Variants in CDH13 observed in about 807,000 individuals in gnomAD.
CDH13 encodes the protein cadherin-13.
A neutral mutation model predicts 63.8 loss-of-function variants in CDH13; 24 were observed. The observed-to-expected ratio is 0.38, with a 90% CI of 0.27 to 0.53. The LOEUF is 0.53. Among genes scored for constraint, CDH13 ranks in the 20% least tolerant of loss-of-function variants. The pLI is 0.85. For missense variants in CDH13, 1,049 were observed against 903.1 expected (o/e 1.16, Z -2.07); for synonymous variants, 503 against 355.3 (o/e 1.42, Z -4.67).
At chr16:83,542,709 C>T (rs1326898700) in intron 7 of CDH13, among the ~76,000 whole-genome samples, 2 of 152,182 alleles carry the variant, frequency 1.3e-5, no homozygotes, top group Non-Finnish European at 2.9e-5. Flanking sequence ...CTTGCAGAAG[C>T]ATCCACCACT....
intron 1 of CDH13, among the ~76,000 whole-genome samples, chr16:82,797,868 T>A (rs1162027292): frequency 6.6e-6 from 1 of 151,932 alleles, no homozygotes; most frequent in Non-Finnish European, 1.5e-5. Context: ...GATCTGATGC[T>A]TAATAAGACA....
At chr16:83,096,139 T>C (rs1331290756) in intron 3 of CDH13, among the ~76,000 whole-genome samples, 2 of 152,166 alleles carry the variant, frequency 1.3e-5, no homozygotes, top group African/African-American at 4.8e-5. Flanking sequence ...CAGGTACAAC[T>C]CTGTAAGGGC....
At chr16:83,077,031 A>G (rs1273795533) in intron 3 of CDH13, among the ~76,000 whole-genome samples, 3 of 151,864 alleles carry the variant, frequency 2.0e-5, no homozygotes, top group Non-Finnish European at 4.4e-5. Context: ...GAGGCCACCA[A>G]TATTCTGATT....
chr16:82,909,878 A>T (rs919585645), intron 2 of CDH13, among the ~76,000 whole-genome samples: 2 of 152,216 alleles, frequency 1.3e-5, no homozygotes, highest in African/African-American at 4.8e-5. Context: ...ATTTTTGCCC[A>T]TACACATGTG....
intron 5 of CDH13, among the ~76,000 whole-genome samples, chr16:83,327,877 A>C (rs1377146152): frequency 1.3e-5 from 2 of 152,252 alleles, no homozygotes; most frequent in Non-Finnish European, 2.9e-5. Context: ...TTACGCCTGT[A>C]ATCCCAGCAC....
At chr16:83,715,530 G>T (rs1908761267) in intron 10 of CDH13, among the ~76,000 whole-genome samples, 1 of 152,208 alleles carries the variant, frequency 6.6e-6, no homozygotes, top group South Asian at 2.1e-4. Flanking sequence ...TTAGTAAAAT[G>T]CATTTTCCAA....
chr16:83,157,121 G>A (rs979231839), intron 4 of CDH13, among the ~76,000 whole-genome samples: 1 of 152,092 alleles, frequency 6.6e-6, no homozygotes. Context: ...ATCTGATCCT[G>A]GTTCAGTAGA....
intron 1 of CDH13, among the ~76,000 whole-genome samples, chr16:82,792,233 C>T (rs548950861): frequency 4.6e-5 from 7 of 152,202 alleles, no homozygotes; most frequent in Admixed American, 2.0e-4. Context: ...GGATTCCTGC[C>T]GCGTGGGCTG....
intron 1 of CDH13, among the ~76,000 whole-genome samples, chr16:82,839,422 A>G (rs983809106): frequency 1.3e-5 from 2 of 152,092 alleles, no homozygotes; most frequent in South Asian, 2.1e-4. Context: ...TGTGCCATCA[A>G]TTTCCTGCTG....
intron 5 of CDH13, among the ~76,000 whole-genome samples, chr16:83,278,044 C>T (rs143839294): frequency 6.6e-6 from 1 of 152,290 alleles, no homozygotes; most frequent in African/African-American, 2.4e-5. Context: ...AGTTCCTATT[C>T]TCCAAGAAGG....
At chr16:83,304,854 T>A (rs1165227859) in intron 5 of CDH13, among the ~76,000 whole-genome samples, 1 of 152,186 alleles carries the variant, frequency 6.6e-6, no homozygotes, top group African/African-American at 2.4e-5. Flanking sequence ...CTCCCCCACC[T>A]TTCCTCTCTC....
intron 6 of CDH13, among the ~76,000 whole-genome samples, chr16:83,483,466 C>CTTTTTTTTTTTT (rs11327354): frequency 2.0e-5 from 3 of 147,044 alleles, no homozygotes; most frequent in African/African-American, 2.5e-5. Context: ...CCTGAAAGGT[C>CTTTTTTTTTTTT]TTTTTTTTTT....
chr16:83,422,271 A>G lies in CDH13; in HGVS notation c.782-64206A>G, dbSNP rs184121233. ...ATGTTGTATCATTGAACTAAAAATCATATTAATACTCATCCAAAGAATTAC... is the reference window on the plus strand; with the variant it reads ...ATGTTGTATCATTGAACTAAAAATCGTATTAATACTCATCCAAAGAATTAC... On this transcript the variant is annotated intron_variant, in intron 6 of 13. Transcript: ENST00000567109. Among the ~76,000 whole-genome samples the G allele has an allele frequency of 2.0e-5, 3 of 152,338 alleles. No homozygotes were observed. The East Asian group carries it at 5.8e-4, about 29-fold the overall frequency.
At chr16:83,670,629 G>A (rs1039385095) in intron 8 of CDH13, among the ~76,000 whole-genome samples, 161 bp from the exon 9 acceptor site, 1 of 152,204 alleles carries the variant, frequency 6.6e-6, no homozygotes, top group Non-Finnish European at 1.5e-5. Flanking sequence ...TAAGTTCAAG[G>A]AAAGCTGAGA....
chr16:82,782,677 T>C (rs989080680), intron 1 of CDH13, among the ~76,000 whole-genome samples: 1 of 152,234 alleles, frequency 6.6e-6, no homozygotes, highest in Non-Finnish European at 1.5e-5. Flanking sequence ...CACTTAATTA[T>C]GCATCTTGAC....
At chr16:83,173,665 G>A (rs963270268) in intron 4 of CDH13, among the ~76,000 whole-genome samples, 1 of 152,020 alleles carries the variant, frequency 6.6e-6, no homozygotes, top group Non-Finnish European at 1.5e-5. Context: ...ATTTTTATTT[G>A]CAAAATTTGG....
At chr16:83,364,724 G>T (rs1382912808) in intron 6 of CDH13, among the ~76,000 whole-genome samples, 1 of 152,162 alleles carries the variant, frequency 6.6e-6, no homozygotes. Context: ...CTGTTCTCTA[G>T]GGAAACAGAA....
chr16:83,610,362 A>G (rs1445373938), intron 8 of CDH13, among the ~76,000 whole-genome samples: 2 of 152,214 alleles, frequency 1.3e-5, no homozygotes, highest in Non-Finnish European at 2.9e-5. Flanking sequence ...AGACTTATCA[A>G]CTTCTTTTTG....
At position 82,854,201 on chromosome 16, in the gene CDH13, C is replaced by G. The variant is rs2039600474; in HGVS notation, c.46-4161C>G. ...GATCACGAGGTCAGGATATCGAGAC[C>G]ACCCTGGCCAACATGTTGAAACTCT... On this transcript the variant is annotated intron_variant, in intron 1 of 13. Coordinates refer to ENST00000567109, the MANE Select transcript of CDH13 (RefSeq NM_001257.5). 2.6e-5 allele frequency among the ~76,000 whole-genome samples: 4 copies of G among 152,014 alleles called. No individual in the cohort carries two copies. The South Asian group carries it at 8.3e-4, about 32-fold the overall frequency.
Sources: gnomAD v4.1 joint callset for allele counts (sites outside exome capture counted in the v4.1 genomes callset) on GRCh38, gnomAD v4.1.1 for gene constraint, MANE v1.5 for transcripts, NCBI Gene and HGNC (gene_info 2026-07-23, HGNC 2026-07-21) for gene names.